The following SOCS6 variants were observed in gnomAD, a reference collection of about 807,000 sequenced individuals.
The protein encoded by SOCS6 is suppressor of cytokine signaling 6, also known as STAT induced STAT inhibitor-4.
In SOCS6, 5 loss-of-function variants were observed where a neutral mutation model predicts 27.7. The ratio of observed to expected loss-of-function variants is 0.18; its 90% confidence interval spans 0.09 to 0.38. The LOEUF is 0.38. Among genes scored for constraint, SOCS6 ranks in the 10% least tolerant of loss-of-function variants. SOCS6 has a pLI of 1.00. For missense variants in SOCS6, 595 were observed against 688.1 expected, an observed-to-expected ratio of 0.86 and a Z score of 1.51; for synonymous variants, 271 against 260.0, an observed-to-expected ratio of 1.04 and a Z score of -0.41.
At chr18:70,315,731 CTTGAA>C (rs1483630083) in intron 1 of SOCS6, among the ~76,000 whole-genome samples, 1 of 152,052 alleles carries the variant, frequency 6.6e-6, no homozygotes, top group Non-Finnish European at 1.5e-5. Context: ...TTAGCGACTT[CTTGAA>C]TTGAATGCAT....
At chr18:70,292,691 G>C (rs1400370448) in intron 1 of SOCS6, among the ~76,000 whole-genome samples, 1 of 152,160 alleles carries the variant, frequency 6.6e-6, no homozygotes, top group Non-Finnish European at 1.5e-5. Flanking sequence ...TTTCTGCCTA[G>C]TTCTGAAATG....
intron 1 of SOCS6, among the ~76,000 whole-genome samples, chr18:70,321,486 ATTTTTT>A (rs765150837): frequency 4.4e-5 from 5 of 112,636 alleles, no homozygotes; most frequent in Admixed American, 1.9e-4. Flanking sequence ...ATGCCTGGCT[ATTTTTT>A]TTTTTTTTTT....
chr18:70,317,443 TAC>T (rs2062416166), intron 1 of SOCS6, among the ~76,000 whole-genome samples: 5 of 151,486 alleles, frequency 3.3e-5, no homozygotes, highest in Non-Finnish European at 5.9e-5. Context: ...TGTGTGTGTA[TAC>T]ACATACATAT....
rs749526105 is a variant in SOCS6, at chr18:70,325,036, G to T, written c.368G>T (p.Arg123Met). ...GACGTGAGAGCTCAGAGGCCGATAAGGTCCACGTCGCTCCGCAGCCATCAC... is the reference window on the plus strand; with the variant it reads ...GACGTGAGAGCTCAGAGGCCGATAATGTCCACGTCGCTCCGCAGCCATCAC... ...FKDVRAQRPI[R>M]STSLRSHHYS... is the part of the protein sequence containing the mutation. The change falls in exon 2 of 2, where the codon AGG becomes ATG. Residue 123 changes from arginine to methionine, a missense_variant. Transcript: ENST00000397942. This position sits in a 1 kb window ranked among gnomAD's most constrained non-coding sequence, Gnocchi z 6.3. 1.2e-6 allele frequency: 2 copies of T among 1,614,138 alleles called. No homozygotes were observed. The highest frequency in any genetic ancestry group is 2.2e-5 in the East Asian group (1 of 44,866).
rs1044160827 is a variant in SOCS6, at chr18:70,328,109, A to G, written c.*1833A>G. 1.2e-5 allele frequency: 2 copies of G among 166,752 alleles called. No homozygotes were observed. Among genetic ancestry groups the G allele is most frequent in the South Asian group, 4.1e-4 (2 of 4,834 alleles). The allele number at this position is 166,752 out of a possible 1,614,324, so 10.3% of individuals were successfully genotyped here. ...GGAATATGGAGTATACTGTAATAAT[A>G]TAAGTGTTCATTATAAGCTATTTGG... On this transcript the variant is annotated 3_prime_UTR_variant, in exon 2 of 2. Coordinates refer to ENST00000397942, the MANE Select transcript of SOCS6 (RefSeq NM_004232.4).
At chr18:70,314,886 T>TAC (rs2062405510) in intron 1 of SOCS6, among the ~76,000 whole-genome samples, 1 of 151,810 alleles carries the variant, frequency 6.6e-6, no homozygotes, top group Non-Finnish European at 1.5e-5. Context: ...TATATATATA[T>TAC]GTCTATTCCT....
chr18:70,291,171 A>G lies in SOCS6; in HGVS notation c.-127+2081A>G, dbSNP rs2062297671. Among the ~76,000 whole-genome samples, 7 of 152,192 alleles carry G rather than the reference A, an allele frequency of 4.6e-5. No homozygotes were observed. The South Asian group carries it at 6.2e-4, about 14-fold the overall frequency. ...ACCCAGGGTGGAGTGCAGTGGTGCA[A>G]TCATGGCTCACTGCAGCCTTGAACT... On this transcript the variant is annotated intron_variant, in intron 1 of 1. Coordinates refer to ENST00000397942, the MANE Select transcript of SOCS6 (RefSeq NM_004232.4).
Position 70,325,952 on chromosome 18 carries a change from A to G in SOCS6, c.1284A>G (p.Thr428=). ...LSLSFRSHGK[T]LHTRIEHSNG... is the part of the protein sequence containing the mutation. ...TGAGCTTTCGCTCCCATGGTAAAAC[A>G]CTTCACACTAGAATTGAGCACTCAA... Residue 428 remains threonine, a synonymous_variant, in exon 2 of 2, where the codon ACA becomes ACG. Transcript: ENST00000397942. The surrounding 1 kb of genome is among the most constrained non-coding windows in gnomAD (Gnocchi z 6.3). 1 of 1,614,262 alleles carries G rather than the reference A, an allele frequency of 6.2e-7. No homozygotes were observed. Among genetic ancestry groups the G allele is most frequent in the Non-Finnish European group, 8.5e-7 (1 of 1,180,048 alleles).
intron 1 of SOCS6, among the ~76,000 whole-genome samples, chr18:70,294,247 A>G (rs1180821975): frequency 1.3e-5 from 2 of 152,146 alleles, no homozygotes; most frequent in African/African-American, 2.4e-5. Flanking sequence ...AATAGTAATA[A>G]TTCCTATTTA....
At chr18:70,315,101 T>C (rs2062406400) in intron 1 of SOCS6, among the ~76,000 whole-genome samples, 1 of 152,200 alleles carries the variant, frequency 6.6e-6, no homozygotes, top group Non-Finnish European at 1.5e-5. Flanking sequence ...TCCCAATGTT[T>C]GCTGGTATTT....
intron 1 of SOCS6, among the ~76,000 whole-genome samples, chr18:70,289,526 C>T (rs1349437227): frequency 6.8e-6 from 1 of 146,902 alleles, no homozygotes; most frequent in Non-Finnish European, 1.5e-5. Flanking sequence ...TCCGCGAGGC[C>T]TGGGCAGCGG....
intron 1 of SOCS6, among the ~76,000 whole-genome samples, chr18:70,293,054 C>A (rs1021054373): frequency 3.9e-5 from 6 of 152,144 alleles, no homozygotes; most frequent in African/African-American, 1.4e-4. Flanking sequence ...GCCACCCCCC[C>A]CAAATAAGTT....
intron 1 of SOCS6, among the ~76,000 whole-genome samples, chr18:70,298,802 A>C (rs1004651713): frequency 5.3e-5 from 8 of 152,200 alleles, no homozygotes; most frequent in Non-Finnish European, 8.8e-5. Context: ...TGTGTTTCCA[A>C]CACCAACAAC....
intron 1 of SOCS6, 71 bp from the exon 2 acceptor site, chr18:70,324,472 A>C (rs533280907): frequency 6.5e-4 from 308 of 471,796 alleles, no homozygotes; most frequent in African/African-American, 5.3e-3. Context: ...TTAAAGGATT[A>C]AAACTGACTA....
chr18:70,322,997 A>G lies in SOCS6; in HGVS notation c.-126-1546A>G, dbSNP rs41535544. ...TCTGTCTCTCCTACTGGATTAGGTG[A>G]CCATCAGTTATTCATCAATCTGTGT... On this transcript the variant is annotated intron_variant, in intron 1 of 1. Transcript: ENST00000397942. Among the ~76,000 whole-genome samples, 723 of 152,330 alleles carry G rather than the reference A, an allele frequency of 4.7e-3. 6 individuals are homozygous for G. The highest frequency in any genetic ancestry group is 0.016 in the African/African-American group (683 of 41,566).
chr18:70,291,366 C>T (rs146156756), intron 1 of SOCS6, among the ~76,000 whole-genome samples: 265 of 152,282 alleles, frequency 1.7e-3, no homozygotes, highest in African/African-American at 6.2e-3. Context: ...TCCCAAAGCC[C>T]TGGGATTACA....
At chr18:70,316,808 A>C (rs755021879) in intron 1 of SOCS6, among the ~76,000 whole-genome samples, 1 of 152,210 alleles carries the variant, frequency 6.6e-6, no homozygotes, top group Admixed American at 6.5e-5. Context: ...AATTAAAACA[A>C]GTAAATACAC....
chr18:70,322,514 G>A (rs1911028761), intron 1 of SOCS6, among the ~76,000 whole-genome samples: 1 of 152,154 alleles, frequency 6.6e-6, no homozygotes, highest in Non-Finnish European at 1.5e-5. Flanking sequence ...TTTGGGGTAT[G>A]GGTGTGATAG....
intron 1 of SOCS6, among the ~76,000 whole-genome samples, chr18:70,306,501 A>G (rs1488718081): frequency 1.0e-4 from 14 of 135,744 alleles, no homozygotes; most frequent in Non-Finnish European, 1.6e-4. Context: ...AAAAAAAAAG[A>G]AAGAAAGCCA....
Sources: allele counts gnomAD v4.1 joint callset (sites outside exome capture counted in the v4.1 genomes callset), GRCh38; gene constraint gnomAD v4.1.1; non-coding constraint Gnocchi (gnomAD v3.1); transcripts MANE v1.5; gene names NCBI Gene and HGNC (gene_info 2026-07-23, HGNC 2026-07-21).